AGBL1: variants seen among roughly 807,000 people sequenced by gnomAD.
The protein encoded by AGBL1 is cytosolic carboxypeptidase 4.
In AGBL1, 130 loss-of-function variants were observed where a neutral mutation model predicts 118.9. That is an observed-to-expected ratio of 1.09 (90% confidence interval 0.95 to 1.26). The LOEUF (loss-of-function observed/expected upper bound fraction) is 1.26. Ranked by LOEUF, AGBL1 falls within the 50% of genes most tolerant of loss-of-function variation. AGBL1 has a pLI of 0.00. For missense variants in AGBL1, 1,584 were observed against 1,298.1 expected, an observed-to-expected ratio of 1.22 and a Z score of -3.38; for synonymous variants, 555 against 478.9, an observed-to-expected ratio of 1.16 and a Z score of -2.08.
At chr15:86,827,316 TACAC>T (rs1174519239) in intron 22 of AGBL1, among the ~76,000 whole-genome samples, 2 of 10,192 alleles carry the variant, frequency 2.0e-4, no homozygotes, top group African/African-American at 7.3e-4. Flanking sequence ...TATATATATA[TACAC>T]ACACATATAT....
intron 22 of AGBL1, among the ~76,000 whole-genome samples, chr15:86,764,197 C>T (rs1197750877): frequency 6.6e-6 from 1 of 151,864 alleles, no homozygotes; most frequent in Non-Finnish European, 1.5e-5. Flanking sequence ...ATACACGCTT[C>T]CAGAAACAAA....
chr15:86,707,292 G>T (rs935278123), intron 22 of AGBL1, among the ~76,000 whole-genome samples: 13 of 152,028 alleles, frequency 8.6e-5, no homozygotes, highest in African/African-American at 3.1e-4. Flanking sequence ...AATAAATCCA[G>T]GTATATAGTC....
chr15:86,939,567 C>A (rs1318664064), intron 23 of AGBL1: 1 of 152,236 alleles, frequency 6.6e-6, no homozygotes, highest in Non-Finnish European at 1.5e-5. Context: ...TGGGTCAACA[C>A]CCCTTAATAA....
intron 21 of AGBL1, among the ~76,000 whole-genome samples, chr15:86,571,450 C>T (rs2084005008): frequency 1.3e-5 from 2 of 152,124 alleles, no homozygotes; most frequent in Admixed American, 1.3e-4. Flanking sequence ...TAGGCAGCTC[C>T]TCTCCATAGT....
rs74322025 is a variant in AGBL1 at position 86,922,097 on chromosome 15, T to A, written c.3222-65890T>A. 9.7e-3 allele frequency among the ~76,000 whole-genome samples: 1,471 copies of A among 152,262 alleles called. 22 individuals carry two copies. The highest frequency in any genetic ancestry group is 0.034 in the African/African-American group (1,412 of 41,532). ...GCTTATGTAGGAGGATGAAGATATATCCTTAAAGGTATAACTAGTTTATAA... is the reference window on the plus strand; with the variant it reads ...GCTTATGTAGGAGGATGAAGATATAACCTTAAAGGTATAACTAGTTTATAA... On this transcript the variant is annotated intron_variant, in intron 23 of 24. Transcript: ENST00000441037.
At chr15:86,128,964 A>AATTAT (rs1368985238) in intron 1 of AGBL1, among the ~76,000 whole-genome samples, 5 of 152,228 alleles carry the variant, frequency 3.3e-5, no homozygotes, top group Non-Finnish European at 5.9e-5. Flanking sequence ...ATATTAACAC[A>AATTAT]GTGCTTCCAA....
At chr15:86,648,064 A>G (rs1310250942) in intron 21 of AGBL1, among the ~76,000 whole-genome samples, 1 of 152,212 alleles carries the variant, frequency 6.6e-6, no homozygotes, top group African/African-American at 2.4e-5. Context: ...CTCAAGGACC[A>G]TAACCTGTAG....
intron 18 of AGBL1, among the ~76,000 whole-genome samples, chr15:86,440,374 A>G (rs1352495000): frequency 6.6e-6 from 1 of 152,010 alleles, no homozygotes; most frequent in African/African-American, 2.4e-5. Context: ...ATGTCTTTGT[A>G]AAAGCCTTTT....
At chr15:86,164,246 A>G (rs1315876333) in intron 5 of AGBL1, among the ~76,000 whole-genome samples, 2 of 152,108 alleles carry the variant, frequency 1.3e-5, no homozygotes, top group African/African-American at 2.4e-5. Context: ...TGGGGCTTAA[A>G]CTTTTCTGGG....
At chr15:86,935,946 C>G (rs989080780) in intron 23 of AGBL1, among the ~76,000 whole-genome samples, 1 of 152,246 alleles carries the variant, frequency 6.6e-6, no homozygotes, top group African/African-American at 2.4e-5. Flanking sequence ...GCAACTGCAG[C>G]TCTGGGAGCT....
At chr15:86,497,477 G>A (rs1175774332) in intron 18 of AGBL1, among the ~76,000 whole-genome samples, 24 of 151,910 alleles carry the variant, frequency 1.6e-4, no homozygotes, top group Non-Finnish European at 1.5e-5. Context: ...AAGAGAATGT[G>A]GCTTTTCCGT....
intron 21 of AGBL1, among the ~76,000 whole-genome samples, chr15:86,569,286 C>A (rs554543941): frequency 6.6e-6 from 1 of 152,004 alleles, no homozygotes; most frequent in African/African-American, 2.4e-5. Flanking sequence ...TTAAAATCAG[C>A]CGACCATGGT....
intron 21 of AGBL1, chr15:86,631,129 C>G (rs77406801): frequency 0.12 from 17,575 of 152,728 alleles, 1,156 homozygotes; most frequent in East Asian, 0.15. Flanking sequence ...GGCTCTCTTC[C>G]TGCTTCTGCT....
intron 21 of AGBL1, among the ~76,000 whole-genome samples, chr15:86,598,933 G>A (rs927371618): frequency 6.6e-6 from 1 of 152,134 alleles, no homozygotes; most frequent in African/African-American, 2.4e-5. Context: ...GTGGGCTACT[G>A]AATGTTTTCC....
intron 16 of AGBL1, among the ~76,000 whole-genome samples, chr15:86,287,766 A>G (rs1597684312): frequency 6.6e-6 from 1 of 152,180 alleles, no homozygotes; most frequent in Admixed American, 6.6e-5. Flanking sequence ...AGAGAGAGAG[A>G]GTGAGCTCAT....
intron 18 of AGBL1, among the ~76,000 whole-genome samples, chr15:86,469,659 T>C (rs1473071226): frequency 6.6e-6 from 1 of 152,082 alleles, no homozygotes; most frequent in Non-Finnish European, 1.5e-5. Flanking sequence ...CTCCATATTG[T>C]TTTCTAGGAT....
intron 18 of AGBL1, among the ~76,000 whole-genome samples, chr15:86,430,643 G>A (rs1217266569): frequency 6.6e-6 from 1 of 152,088 alleles, no homozygotes; most frequent in Non-Finnish European, 1.5e-5. Context: ...ACTGCACATA[G>A]GATAGATGCT....
intron 22 of AGBL1, among the ~76,000 whole-genome samples, chr15:86,676,292 A>G (rs2085845783): frequency 2.0e-5 from 3 of 152,070 alleles, no homozygotes; most frequent in Admixed American, 6.6e-5. Context: ...ATGGTAATAT[A>G]TTTTCCTATT....
chr15:86,547,348 C>T (rs1366752901), intron 20 of AGBL1, among the ~76,000 whole-genome samples: 2 of 152,022 alleles, frequency 1.3e-5, no homozygotes, highest in South Asian at 2.1e-4. Flanking sequence ...ATAGAGTCAG[C>T]ATGTTTTTTA....
Sources: allele counts gnomAD v4.1 joint callset (sites outside exome capture counted in the v4.1 genomes callset), GRCh38; gene constraint gnomAD v4.1.1; transcripts MANE v1.5; gene names NCBI Gene and HGNC (gene_info 2026-07-23, HGNC 2026-07-21).